Variants in XYLT1 observed in about 807,000 individuals in gnomAD.
XYLT1 encodes beta-D-xylosyltransferase 1.
A neutral mutation model predicts 91.3 loss-of-function variants in XYLT1; 36 were observed. The observed-to-expected ratio is 0.39, with a 90% confidence interval of 0.30 to 0.52. The LOEUF is 0.52. Ranked by LOEUF, XYLT1 falls within the 20% of genes least tolerant of loss-of-function variation. XYLT1 has a pLI of 0.68. For synonymous variants in XYLT1, 588 were observed against 532.0 expected (o/e 1.11, Z -1.45); for missense variants, 1,242 against 1,284.5 (o/e 0.97, Z 0.51).
chr16:17,253,790 C>T (rs1391556806), intron 3 of XYLT1, among the ~76,000 whole-genome samples: 1 of 150,158 alleles, frequency 6.7e-6, no homozygotes, highest in Middle Eastern at 3.2e-3. Flanking sequence ...CCTGGCTTCC[C>T]AATAATGCCC....
chr16:17,336,141 A>G (rs961082109), intron 2 of XYLT1, among the ~76,000 whole-genome samples: 1 of 152,214 alleles, frequency 6.6e-6, no homozygotes, highest in East Asian at 1.9e-4. Context: ...TGGAAGGCAG[A>G]GAGGAAACTG....
At chr16:17,433,856 G>A (rs1040223661) in intron 1 of XYLT1, among the ~76,000 whole-genome samples, 13 of 152,272 alleles carry the variant, frequency 8.5e-5, no homozygotes, top group African/African-American at 3.1e-4. Flanking sequence ...GGAGAATACA[G>A]TAAAATCCTT....
At chr16:17,336,627 C>A (rs114185779) in intron 2 of XYLT1, among the ~76,000 whole-genome samples, 1 of 152,118 alleles carries the variant, frequency 6.6e-6, no homozygotes, top group African/African-American at 2.4e-5. Context: ...TCACCCCAGG[C>A]CATCAAAGAG....
At chr16:17,253,182 G>C in intron 3 of XYLT1, among the ~76,000 whole-genome samples, 1 of 152,176 alleles carries the variant, frequency 6.6e-6, no homozygotes, top group Non-Finnish European at 1.5e-5. Context: ...AAGCCGTTTT[G>C]TTCCATGGGA....
At chr16:17,389,136 T>C (rs746045831) in intron 1 of XYLT1, among the ~76,000 whole-genome samples, 19 of 152,258 alleles carry the variant, frequency 1.2e-4, no homozygotes, top group Non-Finnish European at 2.5e-4. Context: ...TTTGTTCTTT[T>C]GCAGGAGCAC....
At chr16:17,171,091 G>A (rs1261430959) in intron 5 of XYLT1, among the ~76,000 whole-genome samples, 1 of 152,208 alleles carries the variant, frequency 6.6e-6, no homozygotes, top group Admixed American at 6.5e-5. Context: ...GGTAATGAGT[G>A]TTGAGCCAGT....
intron 1 of XYLT1, among the ~76,000 whole-genome samples, chr16:17,408,768 C>T (rs1399926186): frequency 2.0e-5 from 3 of 152,166 alleles, no homozygotes; most frequent in African/African-American, 7.2e-5. Flanking sequence ...ATCGCTTGAA[C>T]CCAGAAGGCT....
chr16:17,109,227 G>A (rs1597124627), intron 11 of XYLT1, among the ~76,000 whole-genome samples: 1 of 152,278 alleles, frequency 6.6e-6, no homozygotes, highest in Middle Eastern at 3.4e-3. Context: ...TACAGGGCAC[G>A]GTGCATGCCT....
intron 3 of XYLT1, among the ~76,000 whole-genome samples, chr16:17,209,112 C>G (rs2032711761): frequency 6.6e-6 from 1 of 152,198 alleles, no homozygotes; most frequent in African/African-American, 2.4e-5. Context: ...CTCCAGAACT[C>G]TTTTCATCTT....
intron 5 of XYLT1, among the ~76,000 whole-genome samples, chr16:17,187,566 C>CAAAA (rs57130941): frequency 0.035 from 1,951 of 56,482 alleles, 162 homozygotes; most frequent in African/African-American, 0.08. Context: ...AACGCTGTCT[C>CAAAA]AAAAAAAAAA....
intron 1 of XYLT1, among the ~76,000 whole-genome samples, chr16:17,437,387 C>T (rs545104312): frequency 2.6e-5 from 4 of 152,180 alleles, no homozygotes; most frequent in Non-Finnish European, 2.9e-5. Context: ...CGGCATCCTC[C>T]GCCTCCAATC....
At chr16:17,141,875 C>T (rs531978278) in intron 6 of XYLT1, among the ~76,000 whole-genome samples, 105 of 152,308 alleles carry the variant, frequency 6.9e-4, no homozygotes, top group African/African-American at 2.4e-3. Context: ...CTTCTTGACT[C>T]ACACATTATA....
chr16:17,178,481 A>G (rs532812858), intron 5 of XYLT1, among the ~76,000 whole-genome samples: 5 of 152,300 alleles, frequency 3.3e-5, no homozygotes, highest in African/African-American at 1.2e-4. Flanking sequence ...ATAGTGAAGC[A>G]AAGGCCATGC....
intron 3 of XYLT1, among the ~76,000 whole-genome samples, chr16:17,208,285 C>G (rs143020618): frequency 2.0e-5 from 3 of 152,060 alleles, no homozygotes; most frequent in Admixed American, 2.0e-4. Flanking sequence ...GCCTGGCCCC[C>G]ATCCCTTCTT....
chr16:17,266,213 G>A (rs950362379), intron 2 of XYLT1, among the ~76,000 whole-genome samples: 10 of 152,102 alleles, frequency 6.6e-5, no homozygotes, highest in African/African-American at 1.2e-4. Flanking sequence ...ATTTGCTGGG[G>A]TTCTTCAAGC....
At chr16:17,457,760 G>A (rs1443178357) in intron 1 of XYLT1, among the ~76,000 whole-genome samples, 3 of 152,140 alleles carry the variant, frequency 2.0e-5, no homozygotes, top group African/African-American at 7.2e-5. Context: ...TAGGATAAAA[G>A]AAAGTGCAAA....
chr16:17,428,349 C>T (rs946967848), intron 1 of XYLT1, among the ~76,000 whole-genome samples: 5 of 152,128 alleles, frequency 3.3e-5, no homozygotes, highest in South Asian at 4.2e-4. Context: ...CAAGCTCTGG[C>T]GGCAGAGCTT....
At chr16:17,419,382 T>C (rs1174208205) in intron 1 of XYLT1, among the ~76,000 whole-genome samples, 1 of 152,058 alleles carries the variant, frequency 6.6e-6, no homozygotes, top group Non-Finnish European at 1.5e-5. Context: ...CTTATGTCAT[T>C]ACACTCATTG....
At chr16:17,438,001 C>T (rs116844680) in intron 1 of XYLT1, among the ~76,000 whole-genome samples, 2,345 of 152,240 alleles carry the variant, frequency 0.015, 33 homozygotes, top group Non-Finnish European at 0.025. Context: ...AAAACCCTCA[C>T]ATCAAATGCG....
Sources: allele counts gnomAD v4.1 joint callset (sites outside exome capture counted in the v4.1 genomes callset), GRCh38; gene constraint gnomAD v4.1.1; transcripts MANE v1.5; gene names NCBI Gene and HGNC (gene_info 2026-07-23, HGNC 2026-07-21).